FRMD5: variants seen among roughly 807,000 people sequenced by gnomAD.
The protein encoded by FRMD5 is FERM domain containing 5.
Under a neutral mutation model 69.0 loss-of-function variants are expected in FRMD5, and 20 were observed. The ratio of observed to expected loss-of-function variants is 0.29; its 90% CI spans 0.20 to 0.42. The LOEUF is 0.42. Ranked by LOEUF, FRMD5 falls within the 10% of genes least tolerant of loss-of-function variation. The probability of loss-of-function intolerance (pLI) is 1.00; values close to 1 mark genes in which losing one functional copy is unlikely to be tolerated. For missense variants in FRMD5, 595 were observed against 708.6 expected (o/e 0.84, Z 1.82); for synonymous variants, 271 against 260.1 (o/e 1.04, Z -0.40).
chr15:43,951,755 A>G (rs2090032792), intron 1 of FRMD5, among the ~76,000 whole-genome samples: 2 of 152,178 alleles, frequency 1.3e-5, no homozygotes, highest in Admixed American at 6.5e-5. Context: ...GTGATGAGTG[A>G]TGCTCAGCAA....
chr15:44,039,345 A>G (rs888494390), intron 1 of FRMD5, among the ~76,000 whole-genome samples: 5 of 152,236 alleles, frequency 3.3e-5, no homozygotes, highest in African/African-American at 9.6e-5. Context: ...TGCCTCCTCA[A>G]GTGGGTCCCT....
At chr15:44,089,659 T>C (rs1213737267) in intron 1 of FRMD5, among the ~76,000 whole-genome samples, 3 of 151,994 alleles carry the variant, frequency 2.0e-5, no homozygotes, top group South Asian at 2.1e-4. Flanking sequence ...GCCAAAGTCA[T>C]GCCACTACAA....
chr15:43,886,960 TG>T (rs1485654733), intron 10 of FRMD5, among the ~76,000 whole-genome samples: 1 of 150,008 alleles, frequency 6.7e-6, no homozygotes, highest in Non-Finnish European at 1.5e-5. Context: ...CAGGCAGGGC[TG>T]GGTGGGTAGG....
intron 9 of FRMD5, 112 bp from the exon 10 acceptor site, chr15:43,888,378 G>C (rs780643696): frequency 4.0e-5 from 28 of 703,162 alleles, no homozygotes; most frequent in African/African-American, 7.1e-5. Context: ...TGGCTAGTTA[G>C]AGGGGAGGGC....
chr15:43,878,177 A>AT (rs147090557), intron 13 of FRMD5, among the ~76,000 whole-genome samples: 2 of 151,604 alleles, frequency 1.3e-5, no homozygotes, highest in African/African-American at 4.9e-5. Flanking sequence ...TAATTTTCGT[A>AT]TTTTTTGTAG....
At chr15:44,029,652 T>C (rs939341856) in intron 1 of FRMD5, among the ~76,000 whole-genome samples, 5 of 152,250 alleles carry the variant, frequency 3.3e-5, no homozygotes, top group African/African-American at 1.2e-4. Flanking sequence ...CAAGGCTATA[T>C]AGGATTGAGG....
intron 1 of FRMD5, among the ~76,000 whole-genome samples, chr15:43,991,717 C>A (rs1249326063): frequency 6.6e-6 from 1 of 152,098 alleles, no homozygotes; most frequent in South Asian, 2.1e-4. Flanking sequence ...AATCATCAGG[C>A]CTACCAGGTA....
At chr15:44,094,430 C>G (rs747800139) in intron 1 of FRMD5, among the ~76,000 whole-genome samples, 1 of 152,038 alleles carries the variant, frequency 6.6e-6, no homozygotes, top group East Asian at 1.9e-4. Flanking sequence ...AAGGCTAGCT[C>G]GAGTTCTTCT....
At chr15:43,979,203 A>G (rs1413127250) in intron 1 of FRMD5, among the ~76,000 whole-genome samples, 1 of 152,096 alleles carries the variant, frequency 6.6e-6, no homozygotes, top group Non-Finnish European at 1.5e-5. Flanking sequence ...GCCAAGCGTC[A>G]TGGCAGGTGC....
chr15:43,901,204 A>G (rs1240246046), intron 7 of FRMD5, among the ~76,000 whole-genome samples: 2 of 152,178 alleles, frequency 1.3e-5, no homozygotes, highest in Non-Finnish European at 2.9e-5. Context: ...CAAAGCCCAC[A>G]GGAAGAACCA....
chr15:44,148,898 G>A lies in FRMD5; in HGVS notation c.102+46055C>T, dbSNP rs573030171. Among the ~76,000 whole-genome samples, 10 of 152,150 alleles carry A rather than the reference G, an allele frequency of 6.6e-5. No homozygotes were observed. In the East Asian group the frequency reaches 1.9e-3, roughly 29 times the overall value. ...TGTAAATACCTGGGCAATTATAAAAGCTAGTATTATTGTAACAATGATTTG... is the reference window on the plus strand; with the variant it reads ...TGTAAATACCTGGGCAATTATAAAAACTAGTATTATTGTAACAATGATTTG... On this transcript the variant is annotated intron_variant, in intron 1 of 13. Transcript: ENST00000417257.
chr15:43,964,049 A>G (rs919619235), intron 1 of FRMD5, among the ~76,000 whole-genome samples: 2 of 152,150 alleles, frequency 1.3e-5, no homozygotes, highest in Admixed American at 1.3e-4. Context: ...TAAAACTTAA[A>G]GTATAATAAT....
At chr15:43,989,629 C>A in intron 1 of FRMD5, 1 of 866,114 alleles carries the variant, frequency 1.2e-6, no homozygotes, top group South Asian at 1.3e-5. Context: ...GGTAGTCAGT[C>A]AGGTCCTGAC....
chr15:44,087,265 C>A (rs893325013), intron 1 of FRMD5, among the ~76,000 whole-genome samples: 57 of 152,220 alleles, frequency 3.7e-4, no homozygotes, highest in African/African-American at 1.3e-3. Flanking sequence ...GGTAATCCAC[C>A]CCGCCACAGC....
At chr15:44,191,798 T>C (rs1024459369) in intron 1 of FRMD5, among the ~76,000 whole-genome samples, 15 of 150,338 alleles carry the variant, frequency 1.0e-4, no homozygotes, top group African/African-American at 2.9e-4. Flanking sequence ...AAATGACTCC[T>C]TCAGTATACT....
intron 1 of FRMD5, among the ~76,000 whole-genome samples, chr15:44,163,673 T>C (rs1220143801): frequency 6.6e-6 from 1 of 152,196 alleles, no homozygotes; most frequent in Non-Finnish European, 1.5e-5. Flanking sequence ...GCTAACTAAA[T>C]CTGCATGAAA....
At chr15:44,008,653 C>T (rs1444921511) in intron 1 of FRMD5, among the ~76,000 whole-genome samples, 1 of 152,082 alleles carries the variant, frequency 6.6e-6, no homozygotes, top group African/African-American at 2.4e-5. Flanking sequence ...CTAATACTTG[C>T]ATCAGATTTT....
chr15:43,922,945 C>T (rs931147015), intron 2 of FRMD5, among the ~76,000 whole-genome samples: 1 of 152,216 alleles, frequency 6.6e-6, no homozygotes. Context: ...GCTGGGATTA[C>T]AGGCATGAGC....
intron 1 of FRMD5, among the ~76,000 whole-genome samples, chr15:44,059,191 A>G (rs941753949): frequency 6.6e-6 from 1 of 152,216 alleles, no homozygotes; most frequent in Admixed American, 6.5e-5. Flanking sequence ...GGAGAAAGCT[A>G]TGATATACAA....
Sources: allele counts gnomAD v4.1 joint callset (sites outside exome capture counted in the v4.1 genomes callset), GRCh38; gene constraint gnomAD v4.1.1; transcripts MANE v1.5; gene names NCBI Gene and HGNC (gene_info 2026-07-23, HGNC 2026-07-21).